Variants in BANK1 observed in about 807,000 individuals in gnomAD.
The protein encoded by BANK1 is B-cell scaffold protein with ankyrin repeats.
In BANK1, 95 loss-of-function variants were observed where a neutral mutation model predicts 94.5. The ratio of observed to expected loss-of-function variants is 1.00; its 90% CI spans 0.85 to 1.19. The LOEUF is 1.19. BANK1 is among the 50% of genes most tolerant of loss of function. The probability of loss-of-function intolerance (pLI) is 0.00; values close to 1 mark genes in which losing one functional copy is unlikely to be tolerated. For missense variants in BANK1, 987 were observed against 932.2 expected, an observed-to-expected ratio of 1.06 and a Z score of -0.77; for synonymous variants, 334 against 308.4, an observed-to-expected ratio of 1.08 and a Z score of -0.87.
At chr4:101,838,879 C>T (rs1364051661) in intron 2 of BANK1, among the ~76,000 whole-genome samples, 1 of 152,162 alleles carries the variant, frequency 6.6e-6, no homozygotes, top group Admixed American at 6.5e-5. Context: ...TTTTCTTGTT[C>T]ACACGTATTT....
At chr4:101,936,402 TG>T (rs913651413) in intron 7 of BANK1, among the ~76,000 whole-genome samples, 5 of 150,246 alleles carry the variant, frequency 3.3e-5, no homozygotes, top group Non-Finnish European at 3.0e-5. Context: ...CATGTATATA[TG>T]TGCGTATGCA....
intron 2 of BANK1, among the ~76,000 whole-genome samples, chr4:101,847,775 A>ACT (rs1727311040): frequency 6.8e-6 from 1 of 145,994 alleles, no homozygotes; most frequent in Non-Finnish European, 1.5e-5. Flanking sequence ...ACACACACAC[A>ACT]TATGTCTCAC....
intron 1 of BANK1, among the ~76,000 whole-genome samples, chr4:101,814,967 T>G (rs943687544): frequency 6.6e-6 from 1 of 152,142 alleles, no homozygotes; most frequent in Non-Finnish European, 1.5e-5. Flanking sequence ...GTATTGGGTA[T>G]AGGGGTGAGG....
intron 7 of BANK1, among the ~76,000 whole-genome samples, chr4:101,986,125 G>A (rs745996305): frequency 3.9e-5 from 6 of 152,084 alleles, no homozygotes; most frequent in Non-Finnish European, 5.9e-5. Flanking sequence ...AATTTAAAGT[G>A]CTCCAGTGAA....
chr4:101,973,639 A>T (rs1725028968), intron 7 of BANK1, among the ~76,000 whole-genome samples: 1 of 152,114 alleles, frequency 6.6e-6, no homozygotes, highest in Non-Finnish European at 1.5e-5. Flanking sequence ...ATTTTGCATT[A>T]CTTTCATAAG....
chr4:101,911,708 A>AATTT (rs1722671267), intron 6 of BANK1, among the ~76,000 whole-genome samples: 1 of 152,192 alleles, frequency 6.6e-6, no homozygotes, highest in African/African-American at 2.4e-5. Flanking sequence ...CTAAGGCAGC[A>AATTT]ATTTAGATTG....
At chr4:102,060,424 T>C (rs758457504) in intron 12 of BANK1, 35 bp downstream of exon 12, 36 of 1,570,848 alleles carry the variant, frequency 2.3e-5, no homozygotes, top group Non-Finnish European at 3.0e-5. Context: ...GGACATTCCC[T>C]CACTTGTGGA....
intron 2 of BANK1, among the ~76,000 whole-genome samples, chr4:101,840,963 A>G (rs1727025010): frequency 6.6e-6 from 1 of 152,162 alleles, no homozygotes; most frequent in Non-Finnish European, 1.5e-5. Context: ...AGTAGCTAGG[A>G]CCACAGGCAT....
At chr4:102,007,144 T>TTATATATATATA (rs768027456) in intron 7 of BANK1, among the ~76,000 whole-genome samples, 1 of 83,948 alleles carries the variant, frequency 1.2e-5, no homozygotes, top group Non-Finnish European at 2.4e-5. Flanking sequence ...AAAAAATATA[T>TTATATATATATA]TTTATATATA....
intron 7 of BANK1, among the ~76,000 whole-genome samples, chr4:101,962,014 C>A (rs1337364838): frequency 6.6e-6 from 1 of 152,052 alleles, no homozygotes; most frequent in African/African-American, 2.4e-5. Context: ...TTTTTTCGTG[C>A]CTCCCTGGTG....
chr4:101,852,602 G>A (rs538737882), intron 2 of BANK1, among the ~76,000 whole-genome samples: 92 of 149,424 alleles, frequency 6.2e-4, no homozygotes, highest in African/African-American at 2.1e-3. Context: ...TACTAGAATA[G>A]GAGCCTACTA....
chr4:101,895,949 A>T (rs1323301126), intron 6 of BANK1, among the ~76,000 whole-genome samples: 1 of 151,902 alleles, frequency 6.6e-6, no homozygotes, highest in African/African-American at 2.4e-5. Flanking sequence ...ATAAGTTTAT[A>T]TATATAAATT....
chr4:101,857,098 C>G (rs1335599710), intron 3 of BANK1, among the ~76,000 whole-genome samples: 1 of 152,138 alleles, frequency 6.6e-6, no homozygotes, highest in Non-Finnish European at 1.5e-5. Flanking sequence ...TCTGAAAGCA[C>G]AACCTTTGAA....
chr4:101,886,762 G>T (rs1369707660), intron 5 of BANK1, among the ~76,000 whole-genome samples: 6 of 30,106 alleles, frequency 2.0e-4, no homozygotes, highest in African/African-American at 1.9e-3. Context: ...ACAATATATT[G>T]GGGGGGGGGG....
chr4:102,051,856 G>T (rs1728057849), intron 11 of BANK1, among the ~76,000 whole-genome samples: 1 of 152,156 alleles, frequency 6.6e-6, no homozygotes, highest in Non-Finnish European at 1.5e-5. Context: ...AAAATGGAGG[G>T]ATGGGAAGGT....
At chr4:101,884,296 T>C (rs1343352153) in intron 5 of BANK1, among the ~76,000 whole-genome samples, 1 of 152,182 alleles carries the variant, frequency 6.6e-6, no homozygotes, top group Non-Finnish European at 1.5e-5. Flanking sequence ...TTGTGTCAAT[T>C]TAACTTGAGT....
rs531769632 is a variant in BANK1 at position 101,836,992 on chromosome 4, C to G, written c.469+6786C>G. On this transcript the variant is annotated intron_variant, in intron 2 of 16. Transcript: ENST00000322953. ...TCCATTTCACAGTCTACTACTAGAA[C>G]CTCCCAGCTGGTGGCCTTTTTCCTC... Among the ~76,000 whole-genome samples the G allele has an allele frequency of 2.0e-4, 30 of 152,260 alleles. No homozygotes were observed. The South Asian group carries it at 5.0e-3, about 25-fold the overall frequency.
chr4:101,792,215 A>G (rs960985414), intron 1 of BANK1, among the ~76,000 whole-genome samples: 1 of 151,920 alleles, frequency 6.6e-6, no homozygotes, highest in Non-Finnish European at 1.5e-5. Context: ...ATCAATATTT[A>G]TAGCATTCCA....
chr4:102,073,483 G>T (rs1728821968), intron 15 of BANK1, among the ~76,000 whole-genome samples: 1 of 151,892 alleles, frequency 6.6e-6, no homozygotes, highest in South Asian at 2.1e-4. Context: ...AAGAAAATTT[G>T]AATTCAAGGA....
Sources: allele counts gnomAD v4.1 joint callset (sites outside exome capture counted in the v4.1 genomes callset), GRCh38; gene constraint gnomAD v4.1.1; transcripts MANE v1.5; gene names NCBI Gene and HGNC (gene_info 2026-07-23, HGNC 2026-07-21).